The following CTNNA2 variants were observed in gnomAD, a reference collection of about 807,000 sequenced individuals.
The protein encoded by CTNNA2 is catenin alpha 2, also known as catenin alpha-2.
Under a neutral mutation model 101.0 loss-of-function variants are expected in CTNNA2, and 42 were observed. The ratio of observed to expected loss-of-function variants is 0.42; its 90% CI spans 0.32 to 0.54. The LOEUF is 0.54. CTNNA2 is among the 20% of genes least tolerant of loss of function. CTNNA2 has a pLI of 0.14. For missense variants in CTNNA2, 871 were observed against 1,223.1 expected (o/e 0.71, Z 4.29); for synonymous variants, 450 against 456.4 (o/e 0.99, Z 0.18).
intron 9 of CTNNA2, among the ~76,000 whole-genome samples, chr2:80,473,232 C>T (rs1685449170): frequency 6.6e-6 from 1 of 152,132 alleles, no homozygotes; most frequent in Non-Finnish European, 1.5e-5. Context: ...GAGCTGGAAG[C>T]CAGATCATTC....
chr2:79,874,004 C>T lies in CTNNA2; in HGVS notation c.586-72C>T, dbSNP rs566016047. 2.8e-4 allele frequency: 437 copies of T among 1,569,078 alleles called. 1 individual carries two copies. The highest frequency in any genetic ancestry group is 3.6e-4 in the Non-Finnish European group (420 of 1,158,380). Reference sequence around the variant, plus strand: ...TCAGTGTGTTACTAAGAGTCTGTGACTCCAAACTGTGTTGCAAATATTTCT... The same window carrying T: ...TCAGTGTGTTACTAAGAGTCTGTGATTCCAAACTGTGTTGCAAATATTTCT... On this transcript the variant is annotated intron_variant, in intron 5 of 18. Coordinates refer to ENST00000402739, the MANE Select transcript of CTNNA2 (RefSeq NM_001282597.3).
chr2:80,242,086 T>C (rs1573490316), intron 7 of CTNNA2, among the ~76,000 whole-genome samples: 1 of 152,262 alleles, frequency 6.6e-6, no homozygotes, highest in East Asian at 1.9e-4. Context: ...GAAACTTCCG[T>C]CAGCTCATTA....
Position 79,835,666 on chromosome 2 carries a change from G to GTTTTTTTTTT in CTNNA2, c.299-22319_299-22310dup, listed in dbSNP as rs70940048. Among the ~76,000 whole-genome samples, 23 of 58,634 alleles carry GTTTTTTTTTT rather than the reference G, an allele frequency of 3.9e-4. 4 individuals are homozygous for GTTTTTTTTTT. The highest frequency in any genetic ancestry group is 1.0e-3 in the African/African-American group (14 of 13,696). The allele number at this position is 58,634 out of a possible 152,430, so 38.5% of individuals were successfully genotyped here. On this transcript the variant is annotated intron_variant, in intron 3 of 18. Transcript: ENST00000402739. Reference sequence around the variant, plus strand: ...CTGTGCTGCAGAATGGCCTCTCTTTGTTTTTTTTTTTTTTTTTTTTTTTTT... The same window carrying GTTTTTTTTTT: ...CTGTGCTGCAGAATGGCCTCTCTTTGTTTTTTTTTTTTTTTTTTTTTTTTTTTTTTTTTTT...
rs189846097 is a variant in CTNNA2 at position 80,357,621 on chromosome 2, G to T, written c.1057-35590G>T. 1.4e-3 allele frequency among the ~76,000 whole-genome samples: 211 copies of T among 152,176 alleles called. 1 individual carries two copies. Among genetic ancestry groups the T allele is most frequent in the African/African-American group, 4.7e-3 (197 of 41,534 alleles). ...AGAATATAGGAAAAAGGAGGATCTC[G>T]TCAGTATCTTGATATTTCTTGAGGC... On this transcript the variant is annotated intron_variant, in intron 7 of 18. Coordinates refer to ENST00000402739, the MANE Select transcript of CTNNA2 (RefSeq NM_001282597.3).
At chr2:79,831,744 AT>A (rs11349954) in intron 3 of CTNNA2, among the ~76,000 whole-genome samples, 70,846 of 147,496 alleles carry the variant, frequency 0.48, 17,391 homozygotes, top group African/African-American at 0.6. Flanking sequence ...GAGAGTACAC[AT>A]TTTTTTTTTA....
At chr2:79,550,690 C>G (rs1206066720) in intron 1 of CTNNA2, among the ~76,000 whole-genome samples, 1 of 152,132 alleles carries the variant, frequency 6.6e-6, no homozygotes, top group Non-Finnish European at 1.5e-5. Flanking sequence ...TACCAAATAC[C>G]ATGCATTGCG....
In CTNNA2 at chr2:80,068,076, C is replaced by T. The variant is rs72924645; in HGVS notation, c.1056+158279C>T. The stretch of plus-strand genomic sequence containing the variant: ...GCCTCTAAATCGCAGGGTAATTTGA[C>T]ATGCAGTGATAAATAACGAATATGC... On this transcript the variant is annotated intron_variant, in intron 7 of 18. Coordinates refer to ENST00000402739, the MANE Select transcript of CTNNA2 (RefSeq NM_001282597.3). 6.1e-3 allele frequency among the ~76,000 whole-genome samples: 933 copies of T among 152,286 alleles called. 7 individuals carry two copies. The highest frequency in any genetic ancestry group is 0.021 in the African/African-American group (883 of 41,554).
intron 7 of CTNNA2, among the ~76,000 whole-genome samples, chr2:80,006,368 A>AAG (rs1241847115): frequency 6.6e-6 from 1 of 151,544 alleles, no homozygotes; most frequent in East Asian, 1.9e-4. Flanking sequence ...GTAAAAAAAA[A>AAG]AAAAAAGAAA....
At chr2:79,200,827 C>T (rs569895113) in intron 2 of CTNNA2, among the ~76,000 whole-genome samples, 1 of 151,844 alleles carries the variant, frequency 6.6e-6, no homozygotes, top group East Asian at 1.9e-4. Context: ...AAAAAAAAAA[C>T]TTTTTAAATC....
At chr2:79,573,011 T>G (rs536085476) in intron 1 of CTNNA2, among the ~76,000 whole-genome samples, 1 of 152,156 alleles carries the variant, frequency 6.6e-6, no homozygotes, top group Admixed American at 6.5e-5. Context: ...AAATTCAAAT[T>G]ACATTTCACT....
intron 13 of CTNNA2, among the ~76,000 whole-genome samples, chr2:80,579,985 T>C (rs1695386405): frequency 6.6e-6 from 1 of 152,244 alleles, no homozygotes. Context: ...AGGCAGTCTG[T>C]GGAAGACCAT....
At chr2:79,208,307 C>T (rs181537496) in intron 2 of CTNNA2, among the ~76,000 whole-genome samples, 1 of 152,250 alleles carries the variant, frequency 6.6e-6, no homozygotes, top group African/African-American at 2.4e-5. Context: ...ATTTTTGAAA[C>T]ATATGTCAAG....
intron 7 of CTNNA2, among the ~76,000 whole-genome samples, chr2:80,101,576 A>G (rs6745331): frequency 1 from 152,225 of 152,342 alleles, 76,054 homozygotes; most frequent in Middle Eastern, 1. Flanking sequence ...AGCGAAAGGA[A>G]GAATCATTGA....
At chr2:79,968,072 A>G (rs541951100) in intron 7 of CTNNA2, among the ~76,000 whole-genome samples, 1 of 152,188 alleles carries the variant, frequency 6.6e-6, no homozygotes, top group Non-Finnish European at 1.5e-5. Flanking sequence ...GGGAATTTTA[A>G]CAGGCCTGGA....
intron 9 of CTNNA2, among the ~76,000 whole-genome samples, chr2:80,422,831 T>G (rs1053826664): frequency 6.6e-6 from 1 of 152,190 alleles, no homozygotes; most frequent in Non-Finnish European, 1.5e-5. Flanking sequence ...TCATTTATTT[T>G]TTAAATGTTT....
intron 2 of CTNNA2, among the ~76,000 whole-genome samples, chr2:79,311,692 C>T (rs1390465684): frequency 6.6e-6 from 1 of 152,058 alleles, no homozygotes; most frequent in African/African-American, 2.4e-5. Flanking sequence ...AACCCCCACT[C>T]GGTGCTCCCC....
At chr2:80,442,360 C>G (rs1332620641) in intron 9 of CTNNA2, among the ~76,000 whole-genome samples, 1 of 152,182 alleles carries the variant, frequency 6.6e-6, no homozygotes, top group Non-Finnish European at 1.5e-5. Flanking sequence ...GCCATCTGGA[C>G]CTTCTAGAGA....
chr2:80,061,424 A>G (rs1697591386), intron 7 of CTNNA2, among the ~76,000 whole-genome samples: 1 of 152,214 alleles, frequency 6.6e-6, no homozygotes, highest in Non-Finnish European at 1.5e-5. Flanking sequence ...TGTTTGTTTT[A>G]AACATTCTAC....
At chr2:80,547,264 A>G (rs541370633) in intron 11 of CTNNA2, among the ~76,000 whole-genome samples, 3 of 152,176 alleles carry the variant, frequency 2.0e-5, no homozygotes, top group Non-Finnish European at 2.9e-5. Flanking sequence ...GGGAACATTG[A>G]TGTAACATGC....
Sources: allele counts gnomAD v4.1 joint callset (sites outside exome capture counted in the v4.1 genomes callset), GRCh38; gene constraint gnomAD v4.1.1; transcripts MANE v1.5; gene names NCBI Gene and HGNC (gene_info 2026-07-23, HGNC 2026-07-21).